CACNA1C: variants seen among roughly 807,000 people sequenced by gnomAD.
CACNA1C encodes the protein calcium voltage-gated channel subunit alpha1 C.
In CACNA1C, 30 loss-of-function variants were observed where a neutral mutation model predicts 229.0. The ratio of observed to expected loss-of-function variants is 0.13; its 90% CI spans 0.10 to 0.18. The LOEUF is 0.18. CACNA1C is among the 10% of genes least tolerant of loss of function. The pLI is 1.00. For missense variants in CACNA1C, 1,658 were observed against 2,845.0 expected (o/e 0.58, Z 9.49); for synonymous variants, 1,114 against 1,132.5 (o/e 0.98, Z 0.33).
chr12:2,588,924 G>A (rs1334178780), intron 18 of CACNA1C, among the ~76,000 whole-genome samples: 1 of 152,182 alleles, frequency 6.6e-6, no homozygotes, highest in East Asian at 1.9e-4. Context: ...TGTGCTGGGG[G>A]AGGCTTTCAT....
intron 7 of CACNA1C, among the ~76,000 whole-genome samples, chr12:2,503,379 C>G (rs1465125579): frequency 6.6e-6 from 1 of 152,164 alleles, no homozygotes; most frequent in Non-Finnish European, 1.5e-5. Context: ...TTTTAGGAAG[C>G]CAGAACTTAA....
chr12:2,676,536 G>A (rs182755510), intron 39 of CACNA1C: 1 of 154,768 alleles, frequency 6.5e-6, no homozygotes, highest in Admixed American at 6.4e-5. Flanking sequence ...AGCCCAGCAG[G>A]GATGCAGCCA....
rs992512528 is a variant in CACNA1C, at chr12:2,275,235, C to T, written c.477+154805C>T. The stretch of plus-strand genomic sequence containing the variant: ...GCAGTCATCATCAGCAATGTTAGCC[C>T]GGCAAACGTGATCTTTCTTTCCTTT... On this transcript the variant is annotated intron_variant, in intron 3 of 46. Transcript: ENST00000399655. This position sits in a 1 kb window ranked among gnomAD's most constrained non-coding sequence, Gnocchi z 4.1. Among the ~76,000 whole-genome samples the T allele has an allele frequency of 3.3e-5, 5 of 152,160 alleles. No homozygotes were observed. The highest frequency in any genetic ancestry group is 7.2e-5 in the African/African-American group (3 of 41,428).
At chr12:2,093,419 T>C (rs943287166) in intron 1 of CACNA1C, among the ~76,000 whole-genome samples, 1 of 152,242 alleles carries the variant, frequency 6.6e-6, no homozygotes, top group African/African-American at 2.4e-5. Context: ...CTCAGGGTTA[T>C]GTTGGAGCAG....
chr12:2,339,973 C>G (rs747599017), intron 3 of CACNA1C, among the ~76,000 whole-genome samples: 1 of 152,188 alleles, frequency 6.6e-6, no homozygotes, highest in Non-Finnish European at 1.5e-5. Context: ...AAGAATCCTA[C>G]TACACATATT....
In CACNA1C at chr12:2,686,216, G is replaced by C. The variant is rs374528680; in HGVS notation, c.5731G>C (p.Gly1911Arg). The change falls in exon 45 of 47, where the codon GGG becomes CGG. Residue 1911 changes from glycine (G) to arginine (R), a missense_variant. By Grantham distance (125) the Gly-to-Arg change is moderately radical. Around this residue, in one of 20 missense-constraint regions of CACNA1C, gnomAD observed 590 missense variants for 700.8 expected, o/e 0.84. Transcript: ENST00000399655. The part of the protein sequence containing the change: ...LECLKRQKDR[G>R]GDISQKTVLP... ...ATGTCTGAAGCGACAGAAGGACCGA[G>C]GGGGAGACATCTCTCAGAAGACAGT... The C allele has an allele frequency of 4.8e-5, 77 of 1,613,618 alleles. 1 individual carries two copies. The highest frequency in any genetic ancestry group is 3.3e-4 in the East Asian group (15 of 44,898).
chr12:2,392,767 T>C (rs1027569048), intron 3 of CACNA1C, among the ~76,000 whole-genome samples: 3 of 152,218 alleles, frequency 2.0e-5, no homozygotes, highest in Non-Finnish European at 2.9e-5. Flanking sequence ...ACTTTTCCTG[T>C]GGCCTTTACC....
intron 3 of CACNA1C, among the ~76,000 whole-genome samples, chr12:2,212,227 A>G (rs944758586): frequency 1.3e-5 from 2 of 152,230 alleles, no homozygotes; most frequent in Non-Finnish European, 2.9e-5. Context: ...ACTGATAGCA[A>G]AATTAGCCAC....
At chr12:2,162,125 C>T (rs995028544) in intron 3 of CACNA1C, among the ~76,000 whole-genome samples, 13 of 152,120 alleles carry the variant, frequency 8.5e-5, no homozygotes, top group African/African-American at 3.1e-4. Flanking sequence ...TAGTTTTGGG[C>T]CTAACTGCTC....
intron 29 of CACNA1C, among the ~76,000 whole-genome samples, chr12:2,619,704 C>T (rs1295926731): frequency 6.6e-6 from 1 of 152,022 alleles, no homozygotes; most frequent in Non-Finnish European, 1.5e-5. Context: ...CCTTGCCATT[C>T]TTCGTATTCT....
rs538100597 is a variant in CACNA1C, at chr12:2,214,814, G to A, written c.477+94384G>A. On this transcript the variant is annotated intron_variant, in intron 3 of 46. Transcript: ENST00000399655. ...CAGACACTTCTAGTTAGCGCACATG[G>A]TTGATGGACATGTGAGGTTCCTTTG... Among the ~76,000 whole-genome samples the A allele has an allele frequency of 1.8e-3, 249 of 139,816 alleles. 2 individuals carry two copies. The highest frequency in any genetic ancestry group is 6.3e-3 in the African/African-American group (241 of 38,430). The allele number at this position is 139,816 out of a possible 152,430, so 91.7% of individuals were successfully genotyped here.
chr12:2,189,322 G>C (rs1157487106), intron 3 of CACNA1C, among the ~76,000 whole-genome samples: 1 of 152,176 alleles, frequency 6.6e-6, no homozygotes, highest in African/African-American at 2.4e-5. Context: ...CTTGCTGGCT[G>C]TGTGTGCAAA....
At chr12:2,149,811 C>T (rs933896951) in intron 3 of CACNA1C, among the ~76,000 whole-genome samples, 1 of 152,170 alleles carries the variant, frequency 6.6e-6, no homozygotes, top group South Asian at 2.1e-4. Context: ...AAAGGGCTGC[C>T]GGTGGATCCG....
intron 10 of CACNA1C, among the ~76,000 whole-genome samples, chr12:2,551,243 A>G (rs1288522787): frequency 6.6e-6 from 1 of 152,094 alleles, no homozygotes; most frequent in African/African-American, 2.4e-5. Flanking sequence ...GTCGCATACC[A>G]GGAGGGACTA....
chr12:2,677,678 G>A lies in CACNA1C; in HGVS notation c.4957-55G>A. 6.4e-7 allele frequency: 1 copy of A among 1,572,676 alleles called. No individual in the cohort carries two copies. The highest frequency in any genetic ancestry group is 2.1e-4 in the Middle Eastern group (1 of 4,798). ...TCTTGGCCCGAGGCTGTGGCTGGCT[G>A]GGGAGCTTGGAGGAAAGGGAGCGTG... On this transcript the variant is annotated intron_variant, in intron 40 of 46. Transcript: ENST00000399655. This position sits in a 1 kb window ranked among gnomAD's most constrained non-coding sequence, Gnocchi z 7.4.
rs1245830594 is a variant in CACNA1C, at chr12:2,512,748, CCCTTCTCGGTGCTCCCT to C, written c.1218-56_1218-40del. 2.6e-5 allele frequency: 33 copies of C among 1,267,858 alleles called. No individual in the cohort carries two copies. The East Asian group carries it at 7.7e-4, about 30-fold the overall frequency. 78.5% of individuals were successfully genotyped at this position (1,267,858 alleles called of 1,614,324 possible). A position where few individuals can be genotyped will look rare whatever the true frequency, so the allele number is the denominator to read the frequency against. ...TCTCCATCTCTCCTTCCATCCTCGACCCTTCTCGGTGCTCCCTCCTTCTCTGTGCTCTCCTGCCCTGC... is the reference window on the plus strand; with the variant it reads ...TCTCCATCTCTCCTTCCATCCTCGACCCTTCTCTGTGCTCTCCTGCCCTGC... On this transcript the variant is annotated intron_variant, in intron 8 of 46. Coordinates refer to ENST00000399655, the MANE Select transcript of CACNA1C (RefSeq NM_000719.7). The surrounding 1 kb of genome is among the most constrained non-coding windows in gnomAD (Gnocchi z 4.3).
At chr12:2,500,226 G>C (rs7953393) in intron 7 of CACNA1C, among the ~76,000 whole-genome samples, 23,286 of 152,170 alleles carry the variant, frequency 0.15, 2,428 homozygotes, top group African/African-American at 0.29. Flanking sequence ...GGGACGGCGA[G>C]GGGGACCCAT....
rs1189616643 is a variant in CACNA1C, at chr12:2,561,306, T to G, written c.1508+4329T>G. On this transcript the variant is annotated intron_variant, in intron 11 of 46. Transcript: ENST00000399655. ...GGGACCCTTCTCGCCTAAGGTGTCC[T>G]TTCGTGTGCTCCCTGGTGGACCCGC... 2.6e-5 allele frequency among the ~76,000 whole-genome samples: 4 copies of G among 152,232 alleles called. No homozygotes were observed. In the East Asian group the frequency reaches 7.7e-4, roughly 29 times the overall value.
At chr12:2,160,306 A>C (rs1417154232) in intron 3 of CACNA1C, among the ~76,000 whole-genome samples, 1 of 152,226 alleles carries the variant, frequency 6.6e-6, no homozygotes. Flanking sequence ...ATGGCCTGAC[A>C]CATAGCAGAC....
Sources: allele counts gnomAD v4.1 joint callset (sites outside exome capture counted in the v4.1 genomes callset), GRCh38; gene constraint gnomAD v4.1.1; regional missense constraint gnomAD v4.1.1; non-coding constraint Gnocchi (gnomAD v3.1); transcripts MANE v1.5; gene names NCBI Gene and HGNC (gene_info 2026-07-23, HGNC 2026-07-21).